MBNL1: variants seen among roughly 807,000 people sequenced by gnomAD.
MBNL1 encodes muscleblind-like protein 1.
A neutral mutation model predicts 42.2 loss-of-function variants in MBNL1; 8 were observed. The ratio of observed to expected loss-of-function variants is 0.19; its 90% CI spans 0.11 to 0.34. The LOEUF is 0.34. Ranked by LOEUF, MBNL1 falls within the 10% of genes least tolerant of loss-of-function variation. The probability of loss-of-function intolerance (pLI) is 1.00; values close to 1 mark genes in which losing one functional copy is unlikely to be tolerated. For missense variants in MBNL1, 309 were observed against 495.3 expected (o/e 0.62, Z 3.57); for synonymous variants, 169 against 173.9 (o/e 0.97, Z 0.22).
intron 2 of MBNL1, among the ~76,000 whole-genome samples, chr3:152,250,272 G>C (rs376675396): frequency 6.6e-6 from 1 of 151,438 alleles, no homozygotes; most frequent in South Asian, 2.1e-4. Flanking sequence ...TCTTCCATTT[G>C]TTTGTATCCT....
At chr3:152,437,149 A>G (rs999364728) in intron 4 of MBNL1, among the ~76,000 whole-genome samples, 2 of 152,194 alleles carry the variant, frequency 1.3e-5, no homozygotes, top group South Asian at 2.1e-4. Context: ...TGTATACTCT[A>G]CTTCTTCCTT....
chr3:152,440,493 T>TA (rs2099132056), intron 4 of MBNL1, among the ~76,000 whole-genome samples: 2 of 152,182 alleles, frequency 1.3e-5, no homozygotes, highest in Non-Finnish European at 2.9e-5. Flanking sequence ...TCATGAGACT[T>TA]ATTCCCTATC....
rs991781874 is a variant in MBNL1 at position 152,308,819 on chromosome 3, G to GT, written c.174+8463dup. Among the ~76,000 whole-genome samples the GT allele has an allele frequency of 6.0e-3, 846 of 141,678 alleles. 1 individual carries two copies. The highest frequency in any genetic ancestry group is 9.7e-3 in the African/African-American group (378 of 38,846). The allele number at this position is 141,678 out of a possible 152,430, so 92.9% of individuals were successfully genotyped here. On this transcript the variant is annotated intron_variant, in intron 2 of 9. Coordinates refer to ENST00000324210, the MANE Select transcript of MBNL1 (RefSeq NM_021038.5). The stretch of plus-strand genomic sequence containing the variant: ...TCAAACTCAATTTTTGTTTTGTTTT[G>GT]TTTTTTTTTTTGGCATTTTATCATA...
chr3:152,438,154 G>A (rs994555768), intron 4 of MBNL1, among the ~76,000 whole-genome samples: 1 of 152,078 alleles, frequency 6.6e-6, no homozygotes, highest in African/African-American at 2.4e-5. Context: ...TTTTTATGGT[G>A]CAAAAAGAAT....
At chr3:152,380,365 A>G (rs1319096230) in intron 2 of MBNL1, among the ~76,000 whole-genome samples, 1 of 152,110 alleles carries the variant, frequency 6.6e-6, no homozygotes, top group African/African-American at 2.4e-5. Context: ...GTTTCCTTGT[A>G]TCTAAACTCA....
rs143914573 is a variant in MBNL1, at chr3:152,321,833, G to A, written c.174+21466G>A. Among the ~76,000 whole-genome samples the A allele has an allele frequency of 5.1e-4, 77 of 152,026 alleles. No individual in the cohort carries two copies. In the Middle Eastern group the frequency reaches 0.01, roughly 20 times the overall value. ...TGGCATGTCAATTTCAAAAGAAAAT[G>A]TATTCAGATCTACTTTCAAACTAAC... On this transcript the variant is annotated intron_variant, in intron 2 of 9. Transcript: ENST00000324210.
intron 2 of MBNL1, among the ~76,000 whole-genome samples, chr3:152,308,655 C>T (rs866021227): frequency 2.6e-5 from 4 of 152,108 alleles, no homozygotes; most frequent in South Asian, 4.1e-4. Flanking sequence ...GCTCATTGAT[C>T]CTGGGCCCTG....
At chr3:152,393,883 C>A (rs1368274267) in intron 2 of MBNL1, among the ~76,000 whole-genome samples, 1 of 152,120 alleles carries the variant, frequency 6.6e-6, no homozygotes, top group African/African-American at 2.4e-5. Flanking sequence ...AAGGTAATTT[C>A]TTTATCGCCT....
At chr3:152,321,727 A>G (rs990475499) in intron 2 of MBNL1, among the ~76,000 whole-genome samples, 4 of 152,042 alleles carry the variant, frequency 2.6e-5, no homozygotes, top group African/African-American at 4.8e-5. Context: ...TTTCTCCATC[A>G]AATTTTAAAG....
chr3:152,269,478 G>A (rs2038940916), intron 1 of MBNL1: 1 of 453,564 alleles, frequency 2.2e-6, no homozygotes, highest in Non-Finnish European at 4.4e-6. Flanking sequence ...GAGTCGAGCG[G>A]CGCGCGGGTC....
intron 2 of MBNL1, among the ~76,000 whole-genome samples, chr3:152,393,631 A>G (rs1003376774): frequency 6.6e-6 from 1 of 152,096 alleles, no homozygotes; most frequent in African/African-American, 2.4e-5. Context: ...CCTTCCATTA[A>G]TGTCTTCTAT....
Position 152,420,963 on chromosome 3 carries a change from G to A in MBNL1, c.345+5852G>A, listed in dbSNP as rs112642068. On this transcript the variant is annotated intron_variant, in intron 3 of 9. Coordinates refer to ENST00000324210, the MANE Select transcript of MBNL1 (RefSeq NM_021038.5). Reference sequence around the variant, plus strand: ...GTGAAAAACACAGCATGAGAAGTTCGTGAAGCATACACAGGTATCAGTAGC... The same window carrying A: ...GTGAAAAACACAGCATGAGAAGTTCATGAAGCATACACAGGTATCAGTAGC... Among the ~76,000 whole-genome samples, 680 of 152,250 alleles carry A rather than the reference G, an allele frequency of 4.5e-3. 4 individuals carry two copies. Among genetic ancestry groups the A allele is most frequent in the African/African-American group, 0.015 (640 of 41,538 alleles).
chr3:152,313,315 G>A (rs1470605275), intron 2 of MBNL1, among the ~76,000 whole-genome samples: 2 of 152,066 alleles, frequency 1.3e-5, no homozygotes, highest in African/African-American at 4.8e-5. Context: ...GAGCCACCGC[G>A]CCCGGCCAAC....
intron 2 of MBNL1, among the ~76,000 whole-genome samples, chr3:152,350,086 C>T (rs182121314): frequency 6.6e-6 from 1 of 152,002 alleles, no homozygotes; most frequent in African/African-American, 2.4e-5. Flanking sequence ...AAAGACAAAC[C>T]TTGGCGCATC....
chr3:152,271,654 A>G (rs1426311402), intron 1 of MBNL1, among the ~76,000 whole-genome samples: 1 of 152,154 alleles, frequency 6.6e-6, no homozygotes, highest in African/African-American at 2.4e-5. Context: ...AGTAGATATG[A>G]GAGTCAAAAG....
intron 3 of MBNL1, among the ~76,000 whole-genome samples, chr3:152,427,963 A>G (rs1057365812): frequency 1.3e-5 from 2 of 151,760 alleles, no homozygotes; most frequent in Non-Finnish European, 2.9e-5. Context: ...CAGTGTTCAC[A>G]TGGTGTTTTA....
rs574370089 is a variant in MBNL1 at position 152,454,329 on chromosome 3, A to C, written c.962-1213A>C. 2.0e-5 allele frequency among the ~76,000 whole-genome samples: 3 copies of C among 152,264 alleles called. No homozygotes were observed. The South Asian group carries it at 6.2e-4, about 32-fold the overall frequency. ...TGTTTCAGCTGAGTTTCTCAATGGC[A>C]GCTTTATTTTATAGGGCCATCTCTG... On this transcript the variant is annotated intron_variant, in intron 6 of 9. Transcript: ENST00000324210.
At chr3:152,319,091 C>A (rs964119260) in intron 2 of MBNL1, among the ~76,000 whole-genome samples, 6 of 152,122 alleles carry the variant, frequency 3.9e-5, no homozygotes, top group African/African-American at 1.4e-4. Context: ...GTAGTCAAGT[C>A]TTCATATAAT....
chr3:152,340,826 T>C (rs954103734), intron 2 of MBNL1: 1 of 1,613,878 alleles, frequency 6.2e-7, no homozygotes. Flanking sequence ...TAACCACTGA[T>C]CCCACCTAAA....
Sources: allele counts gnomAD v4.1 joint callset (sites outside exome capture counted in the v4.1 genomes callset), GRCh38; gene constraint gnomAD v4.1.1; transcripts MANE v1.5; gene names NCBI Gene and HGNC (gene_info 2026-07-23, HGNC 2026-07-21).